VPS8: variants seen among roughly 807,000 people sequenced by gnomAD.
VPS8 encodes the protein VPS8 subunit of CORVET complex, also known as vacuolar protein sorting-associated protein 8 homolog.
VPS8 carries 129 observed loss-of-function variants against 216.4 expected under a neutral mutation model. The ratio of observed to expected loss-of-function variants is 0.60; its 90% CI spans 0.52 to 0.69. VPS8 has a LOEUF of 0.69. Ranked by LOEUF, VPS8 falls within the 30% of genes least tolerant of loss-of-function variation. The pLI is 0.00. For synonymous variants in VPS8, 571 were observed against 565.4 expected, an observed-to-expected ratio of 1.01 and a Z score of -0.14; for missense variants, 1,531 against 1,683.5, an observed-to-expected ratio of 0.91 and a Z score of 1.59.
chr3:184,923,100 G>A (rs1270001190), intron 29 of VPS8, among the ~76,000 whole-genome samples: 1 of 152,126 alleles, frequency 6.6e-6, no homozygotes, highest in Non-Finnish European at 1.5e-5. Flanking sequence ...TAGGTCAAAA[G>A]CTAGGGAATG....
intron 5 of VPS8, among the ~76,000 whole-genome samples, chr3:184,837,704 T>G (rs568374747): frequency 2.0e-5 from 3 of 152,116 alleles, no homozygotes; most frequent in Non-Finnish European, 4.4e-5. Flanking sequence ...GAGTCTGCCT[T>G]CTGAGAGATG....
chr3:184,928,103 C>T (rs565939039), intron 31 of VPS8, among the ~76,000 whole-genome samples: 3 of 152,108 alleles, frequency 2.0e-5, no homozygotes, highest in East Asian at 3.9e-4. Flanking sequence ...TGTAAAGAAC[C>T]GTAAGACATA....
chr3:184,943,042 C>T (rs571891599), intron 36 of VPS8, among the ~76,000 whole-genome samples: 36 of 152,106 alleles, frequency 2.4e-4, no homozygotes, highest in Non-Finnish European at 4.7e-4. Context: ...CTACCTCCAC[C>T]CCATTCCGTT....
intron 45 of VPS8, among the ~76,000 whole-genome samples, chr3:185,019,311 G>A (rs1756298678): frequency 6.6e-6 from 1 of 152,010 alleles, no homozygotes; most frequent in South Asian, 2.1e-4. Flanking sequence ...AGCTCGGTCA[G>A]GGAGACCCTA....
At chr3:184,815,966 T>C (rs944846168) in intron 1 of VPS8, 2 of 152,200 alleles carry the variant, frequency 1.3e-5, no homozygotes, top group African/African-American at 4.8e-5. Flanking sequence ...TCCTGTCTTT[T>C]GCGCATTTAA....
intron 46 of VPS8, among the ~76,000 whole-genome samples, chr3:185,035,024 C>T (rs891749111): frequency 2.6e-5 from 4 of 152,124 alleles, no homozygotes; most frequent in Non-Finnish European, 4.4e-5. Flanking sequence ...TGGAAACATA[C>T]ACAATCTCCT....
At chr3:184,886,622 C>G (rs1731320382) in intron 22 of VPS8, among the ~76,000 whole-genome samples, 1 of 151,932 alleles carries the variant, frequency 6.6e-6, no homozygotes, top group Non-Finnish European at 1.5e-5. Flanking sequence ...CCCTGTCACC[C>G]AGGCTGGAGT....
chr3:184,850,243 A>G (rs1723994600), intron 10 of VPS8, among the ~76,000 whole-genome samples: 1 of 152,196 alleles, frequency 6.6e-6, no homozygotes, highest in Admixed American at 6.5e-5. Flanking sequence ...CTAGTATGGA[A>G]ATACTCAGCT....
chr3:184,923,351 C>T (rs1459672905), intron 29 of VPS8, among the ~76,000 whole-genome samples: 1 of 152,168 alleles, frequency 6.6e-6, no homozygotes, highest in Non-Finnish European at 1.5e-5. Context: ...TTCATTGTTC[C>T]TTTAACCACA....
intron 22 of VPS8, among the ~76,000 whole-genome samples, chr3:184,889,715 G>A (rs973362113): frequency 6.6e-6 from 1 of 152,058 alleles, no homozygotes; most frequent in African/African-American, 2.4e-5. Context: ...AAGAAAGGTC[G>A]GGGCTGTGAA....
chr3:184,913,873 C>G (rs1686042641), intron 26 of VPS8, among the ~76,000 whole-genome samples: 1 of 152,140 alleles, frequency 6.6e-6, no homozygotes, highest in South Asian at 2.1e-4. Flanking sequence ...AATTATCTGG[C>G]CCGAAGTATC....
intron 19 of VPS8, among the ~76,000 whole-genome samples, chr3:184,869,270 A>G (rs190070018): frequency 8.5e-5 from 13 of 152,366 alleles, no homozygotes; most frequent in Admixed American, 2.0e-4. Flanking sequence ...GGAAATTACT[A>G]TTGGAATGAA....
intron 39 of VPS8, among the ~76,000 whole-genome samples, chr3:184,970,477 A>C (rs925854182): frequency 5.3e-5 from 8 of 152,220 alleles, no homozygotes; most frequent in African/African-American, 9.6e-5. Flanking sequence ...TAAACCAGTG[A>C]GTTTTGTGGA....
chr3:185,001,671 TCTCCC>T (rs1753445310), intron 45 of VPS8, among the ~76,000 whole-genome samples: 1 of 152,116 alleles, frequency 6.6e-6, no homozygotes. Flanking sequence ...CTCCAGCCCC[TCTCCC>T]CTCTGCACAG....
At chr3:184,961,838 C>T (rs1576994078) in intron 37 of VPS8, among the ~76,000 whole-genome samples, 2 of 151,814 alleles carry the variant, frequency 1.3e-5, no homozygotes, top group Non-Finnish European at 1.5e-5. Flanking sequence ...ATGATCTCGG[C>T]TCACTGCAAC....
intron 37 of VPS8, among the ~76,000 whole-genome samples, chr3:184,962,754 T>C (rs1746740596): frequency 6.6e-6 from 1 of 151,666 alleles, no homozygotes; most frequent in African/African-American, 2.4e-5. Flanking sequence ...TGTGTGTGTG[T>C]GTGTGTGTGT....
chr3:184,986,784 G>C (rs1161834031), intron 42 of VPS8, among the ~76,000 whole-genome samples: 1 of 152,170 alleles, frequency 6.6e-6, no homozygotes, highest in African/African-American at 2.4e-5. Flanking sequence ...TACTAGAGCA[G>C]TATTAGATTT....
At chr3:185,012,678 G>T (rs967446345) in intron 45 of VPS8, among the ~76,000 whole-genome samples, 8 of 151,490 alleles carry the variant, frequency 5.3e-5, no homozygotes. Flanking sequence ...AAAAAAAAGA[G>T]GCCAGAAGAC....
intron 32 of VPS8, among the ~76,000 whole-genome samples, chr3:184,929,049 T>C (rs1740212329): frequency 6.6e-6 from 1 of 152,206 alleles, no homozygotes; most frequent in Non-Finnish European, 1.5e-5. Context: ...AGTATTTCCT[T>C]TGTATTCAGC....
Sources: allele counts gnomAD v4.1 joint callset (sites outside exome capture counted in the v4.1 genomes callset), GRCh38; gene constraint gnomAD v4.1.1; transcripts MANE v1.5; gene names NCBI Gene and HGNC (gene_info 2026-07-23, HGNC 2026-07-21).